CDC73: variants seen among roughly 807,000 people sequenced by gnomAD.
CDC73 encodes the protein cell division cycle 73.
CDC73 carries 21 observed loss-of-function variants against 83.7 expected under a neutral mutation model. The observed-to-expected ratio is 0.25, with a 90% CI of 0.18 to 0.36. The LOEUF is 0.36. CDC73 is among the 10% of genes least tolerant of loss of function. CDC73 has a pLI of 1.00. For synonymous variants in CDC73, 224 were observed against 212.9 expected (o/e 1.05, Z -0.45); for missense variants, 342 against 653.3 (o/e 0.52, Z 5.19).
intron 15 of CDC73, among the ~76,000 whole-genome samples, chr1:193,247,502 A>G (rs1677974610): frequency 6.6e-6 from 1 of 152,086 alleles, no homozygotes; most frequent in Non-Finnish European, 1.5e-5. Context: ...AGAGTTGCAC[A>G]TCTCTCATTT....
At chr1:193,218,167 C>T (rs1677403022) in intron 13 of CDC73, among the ~76,000 whole-genome samples, 1 of 152,184 alleles carries the variant, frequency 6.6e-6, no homozygotes. Context: ...CACACACTCA[C>T]ACATGCACAC....
Position 193,254,087 on chromosome 1 carries a change from T to C in CDC73, c.*3375T>C, listed in dbSNP as rs978188470. Among the ~76,000 whole-genome samples the C allele has an allele frequency of 6.6e-6, 1 of 152,002 alleles. No individual in the cohort carries two copies. The highest frequency in any genetic ancestry group is 1.5e-5 in the Non-Finnish European group (1 of 67,880). ...AAACTTTGTGTTTTGAAATTGCTTGTTTAAATGCAAAATTATGAGTAAGAT... is the reference window on the plus strand; with the variant it reads ...AAACTTTGTGTTTTGAAATTGCTTGCTTAAATGCAAAATTATGAGTAAGAT... On this transcript the variant is annotated 3_prime_UTR_variant, in exon 17 of 17. Coordinates refer to ENST00000367435, the MANE Select transcript of CDC73 (RefSeq NM_024529.5).
chr1:193,208,053 C>T (rs1165094708), intron 11 of CDC73, among the ~76,000 whole-genome samples: 1 of 152,198 alleles, frequency 6.6e-6, no homozygotes, highest in Non-Finnish European at 1.5e-5. Context: ...CTGCTATTTT[C>T]CCCAAGGTCT....
At chr1:193,136,488 A>G in intron 5 of CDC73, 1 of 288,138 alleles carries the variant, frequency 3.5e-6, no homozygotes, top group Non-Finnish European at 8.1e-6. Context: ...TATATGTATT[A>G]ACTCATGTAA....
rs1323207944 is a variant in CDC73, at chr1:193,254,130, T to C, written c.*3418T>C. Among the ~76,000 whole-genome samples, 2 of 151,958 alleles carry C rather than the reference T, an allele frequency of 1.3e-5. No individual in the cohort carries two copies. Among genetic ancestry groups the C allele is most frequent in the East Asian group, 1.9e-4 (1 of 5,204 alleles). On this transcript the variant is annotated 3_prime_UTR_variant, in exon 17 of 17. Transcript: ENST00000367435. Reference sequence around the variant, plus strand: ...AGTAAGATAAGTCTTTTTAAATTTTTTATTTTTAATTTTTTTGGAAGTTTA... The same window carrying C: ...AGTAAGATAAGTCTTTTTAAATTTTCTATTTTTAATTTTTTTGGAAGTTTA...
At chr1:193,241,183 C>G (rs573443243) in intron 15 of CDC73, among the ~76,000 whole-genome samples, 1 of 152,028 alleles carries the variant, frequency 6.6e-6, no homozygotes, top group Non-Finnish European at 1.5e-5. Context: ...AGGACTTTTC[C>G]CCGAAGATGT....
chr1:193,181,708 A>G, intron 10 of CDC73: 1 of 755,726 alleles, frequency 1.3e-6, no homozygotes, highest in Non-Finnish European at 2.1e-6. Flanking sequence ...ACAAAAGTTT[A>G]CAGAACTGCC....
chr1:193,148,670 C>T (rs1473314563), intron 8 of CDC73, among the ~76,000 whole-genome samples: 4 of 99,068 alleles, frequency 4.0e-5, no homozygotes, highest in Admixed American at 1.5e-4. Flanking sequence ...TTTTTTGAGA[C>T]AGTCTCACTC....
intron 10 of CDC73, among the ~76,000 whole-genome samples, chr1:193,172,228 T>A (rs1432338636): frequency 6.7e-6 from 1 of 148,576 alleles, no homozygotes; most frequent in African/African-American, 2.5e-5. Context: ...CCTGGCTGAT[T>A]TTTGGTACCT....
chr1:193,172,068 G>T (rs1337147321), intron 10 of CDC73, among the ~76,000 whole-genome samples: 1 of 152,084 alleles, frequency 6.6e-6, no homozygotes, highest in Middle Eastern at 3.4e-3. Context: ...GGGACTACAG[G>T]TGTGCGCCAC....
intron 10 of CDC73, among the ~76,000 whole-genome samples, chr1:193,177,490 A>AGG (rs1558299131): frequency 2.7e-5 from 4 of 149,012 alleles, no homozygotes; most frequent in Admixed American, 1.3e-4. Flanking sequence ...AGATCGGGCC[A>AGG]CTGCACTCCA....
intron 11 of CDC73, among the ~76,000 whole-genome samples, chr1:193,204,951 T>A (rs1408928242): frequency 6.6e-6 from 1 of 152,178 alleles, no homozygotes; most frequent in South Asian, 2.1e-4. Flanking sequence ...TTGAGATATC[T>A]GTGTTGAACA....
chr1:193,166,751 A>AT (rs1676441760), intron 10 of CDC73, among the ~76,000 whole-genome samples: 1 of 151,150 alleles, frequency 6.6e-6, no homozygotes, highest in South Asian at 2.1e-4. Context: ...GGTTCAAGCG[A>AT]TTGTCCTGCC....
intron 10 of CDC73, among the ~76,000 whole-genome samples, chr1:193,153,578 A>G (rs1285021009): frequency 6.6e-6 from 1 of 152,142 alleles, no homozygotes; most frequent in African/African-American, 2.4e-5. Flanking sequence ...TACGTGTTTT[A>G]CTCACTCATT....
intron 7 of CDC73, among the ~76,000 whole-genome samples, chr1:193,144,205 G>T (rs1016881599): frequency 6.7e-6 from 1 of 149,626 alleles, no homozygotes. Context: ...TTATAATGCC[G>T]TTTAGAAAAC....
chr1:193,219,531 T>G (rs1457294370), intron 13 of CDC73, among the ~76,000 whole-genome samples: 1 of 152,134 alleles, frequency 6.6e-6, no homozygotes, highest in Non-Finnish European at 1.5e-5. Flanking sequence ...AGAAATCTGG[T>G]ACATACATGC....
intron 15 of CDC73, 96 bp from the exon 16 acceptor site, chr1:193,249,634 T>C (rs978611176): frequency 1.1e-5 from 10 of 889,274 alleles, no homozygotes; most frequent in Non-Finnish European, 1.8e-5. Flanking sequence ...AAGATCACTT[T>C]AGTTATAATA....
At chr1:193,234,520 A>G (rs7551897) in intron 14 of CDC73, among the ~76,000 whole-genome samples, 7,455 of 151,842 alleles carry the variant, frequency 0.049, 230 homozygotes, top group Middle Eastern at 0.095. Context: ...AGTGTATACA[A>G]ATCTCATCAC....
chr1:193,134,017 C>G (rs1292689909), intron 3 of CDC73, among the ~76,000 whole-genome samples: 1 of 151,592 alleles, frequency 6.6e-6, no homozygotes, highest in Non-Finnish European at 1.5e-5. Flanking sequence ...TAATGTTAAT[C>G]AGTGCACCCC....
Sources: gnomAD v4.1 joint callset for allele counts (sites outside exome capture counted in the v4.1 genomes callset) on GRCh38, gnomAD v4.1.1 for gene constraint, MANE v1.5 for transcripts, NCBI Gene and HGNC (gene_info 2026-07-23, HGNC 2026-07-21) for gene names.